AGBL4: variants seen among roughly 807,000 people sequenced by gnomAD.
AGBL4 encodes the protein AGBL carboxypeptidase 4, also known as cytosolic carboxypeptidase 6.
In AGBL4, 58 loss-of-function variants were observed where a neutral mutation model predicts 66.4. The ratio of observed to expected loss-of-function variants is 0.87; its 90% CI spans 0.71 to 1.09. The LOEUF is 1.09. Ranked by LOEUF, AGBL4 falls within the 50% of genes least tolerant of loss-of-function variation. AGBL4 has a pLI of 0.00. For synonymous variants in AGBL4, 234 were observed against 222.9 expected, an observed-to-expected ratio of 1.05 and a Z score of -0.44; for missense variants, 579 against 631.0, an observed-to-expected ratio of 0.92 and a Z score of 0.88.
At chr1:49,802,775 AT>A (rs1358093076) in intron 2 of AGBL4, among the ~76,000 whole-genome samples, 1 of 152,124 alleles carries the variant, frequency 6.6e-6, no homozygotes, top group African/African-American at 2.4e-5. Context: ...GTGTGTGTCT[AT>A]TATTTCTCAA....
chr1:49,008,879 T>C (rs1403211111), intron 5 of AGBL4, among the ~76,000 whole-genome samples: 2 of 144,322 alleles, frequency 1.4e-5, no homozygotes, highest in East Asian at 4.0e-4. Flanking sequence ...TTCAGAGGAG[T>C]GTGTAGAGGG....
intron 6 of AGBL4, among the ~76,000 whole-genome samples, chr1:48,842,838 TA>T (rs1646834871): frequency 1.3e-5 from 2 of 152,074 alleles, no homozygotes; most frequent in Admixed American, 1.3e-4. Context: ...TATTCAGCTT[TA>T]AAAAGGAAGA....
chr1:49,278,036 T>C (rs1412703264), intron 3 of AGBL4, among the ~76,000 whole-genome samples: 1 of 152,220 alleles, frequency 6.6e-6, no homozygotes, highest in African/African-American at 2.4e-5. Context: ...AAAGTATTCA[T>C]ATTTCCATTT....
At chr1:48,609,478 G>A (rs1276150525) in intron 9 of AGBL4, among the ~76,000 whole-genome samples, 2 of 152,154 alleles carry the variant, frequency 1.3e-5, no homozygotes, top group African/African-American at 4.8e-5. Flanking sequence ...CTGGAGTGCA[G>A]GGGAACCATC....
intron 3 of AGBL4, among the ~76,000 whole-genome samples, chr1:49,499,138 T>C (rs1265665236): frequency 6.6e-6 from 1 of 152,012 alleles, no homozygotes; most frequent in Non-Finnish European, 1.5e-5. Flanking sequence ...TTGATATTAA[T>C]TCTTCTTTAA....
intron 11 of AGBL4, among the ~76,000 whole-genome samples, chr1:48,569,012 A>G (rs1187782449): frequency 6.6e-6 from 1 of 152,200 alleles, no homozygotes; most frequent in Admixed American, 6.5e-5. Flanking sequence ...GAATAATTGA[A>G]TAAATGAATG....
chr1:48,691,170 A>AC (rs1646625073), intron 6 of AGBL4, among the ~76,000 whole-genome samples: 2 of 149,846 alleles, frequency 1.3e-5, no homozygotes, highest in African/African-American at 2.5e-5. Flanking sequence ...AAAAAAAAAA[A>AC]AAAAACACAT....
chr1:48,586,775 C>T (rs978425276), intron 11 of AGBL4: 20 of 518,004 alleles, frequency 3.9e-5, no homozygotes, highest in African/African-American at 2.9e-4. Flanking sequence ...GCCATGGGTC[C>T]GGCTGGCCTG....
At chr1:49,303,108 T>G (rs1195245955) in intron 3 of AGBL4, among the ~76,000 whole-genome samples, 2 of 152,180 alleles carry the variant, frequency 1.3e-5, no homozygotes, top group African/African-American at 4.8e-5. Flanking sequence ...TGAATGGTAC[T>G]GCAATGAACA....
chr1:48,776,116 C>A (rs1164279519), intron 6 of AGBL4, among the ~76,000 whole-genome samples: 1 of 152,146 alleles, frequency 6.6e-6, no homozygotes, highest in Non-Finnish European at 1.5e-5. Context: ...CCTAGAAGAT[C>A]TGACAATATC....
chr1:49,638,904 G>A (rs1194700977), intron 3 of AGBL4, among the ~76,000 whole-genome samples: 1 of 152,150 alleles, frequency 6.6e-6, no homozygotes, highest in African/African-American at 2.4e-5. Flanking sequence ...GCAGGACAAG[G>A]CAGGTGGTTA....
At chr1:49,491,909 T>C (rs1382573927) in intron 3 of AGBL4, among the ~76,000 whole-genome samples, 1 of 151,954 alleles carries the variant, frequency 6.6e-6, no homozygotes, top group African/African-American at 2.4e-5. Flanking sequence ...GTTTTCCCAA[T>C]ACATACATAT....
intron 6 of AGBL4, among the ~76,000 whole-genome samples, chr1:48,829,178 A>G (rs1024892898): frequency 3.3e-5 from 5 of 152,230 alleles, no homozygotes; most frequent in Admixed American, 1.3e-4. Flanking sequence ...TAGTGTGGAC[A>G]TAAGAGCTTG....
At chr1:49,460,367 T>C (rs1646485027) in intron 3 of AGBL4, among the ~76,000 whole-genome samples, 1 of 151,812 alleles carries the variant, frequency 6.6e-6, no homozygotes. Context: ...CTTTAACTAC[T>C]GTTGTTTTCA....
chr1:49,136,714 G>C (rs1646017533), intron 4 of AGBL4, among the ~76,000 whole-genome samples: 1 of 152,116 alleles, frequency 6.6e-6, no homozygotes, highest in Non-Finnish European at 1.5e-5. Context: ...AAATTAAGTT[G>C]TGAAATTAAT....
At chr1:49,281,499 G>T (rs578006322) in intron 3 of AGBL4, among the ~76,000 whole-genome samples, 1 of 152,194 alleles carries the variant, frequency 6.6e-6, no homozygotes, top group Admixed American at 6.5e-5. Context: ...GCTCAGACAT[G>T]CAGAAGGAGA....
At chr1:49,555,318 T>C (rs970046552) in intron 3 of AGBL4, among the ~76,000 whole-genome samples, 4 of 150,956 alleles carry the variant, frequency 2.6e-5, no homozygotes, top group Admixed American at 6.6e-5. Context: ...AGAGCACTGA[T>C]TGGTGCATTT....
intron 3 of AGBL4, among the ~76,000 whole-genome samples, chr1:49,663,851 C>A (rs1444843416): frequency 2.6e-5 from 4 of 151,710 alleles, no homozygotes; most frequent in African/African-American, 9.7e-5. Flanking sequence ...TAAATATAAC[C>A]AATAAAATGG....
At chr1:49,141,014 A>C (rs1646107252) in intron 4 of AGBL4, among the ~76,000 whole-genome samples, 1 of 152,190 alleles carries the variant, frequency 6.6e-6, no homozygotes, top group Non-Finnish European at 1.5e-5. Flanking sequence ...CTGAGATATA[A>C]AATCAAGAGG....
Sources: gnomAD v4.1 joint callset for allele counts (sites outside exome capture counted in the v4.1 genomes callset) on GRCh38, gnomAD v4.1.1 for gene constraint, MANE v1.5 for transcripts, NCBI Gene and HGNC (gene_info 2026-07-23, HGNC 2026-07-21) for gene names.